The following MYT1L variants were observed in gnomAD, a reference collection of about 807,000 sequenced individuals.
MYT1L encodes myelin transcription factor 1 like.
MYT1L carries 12 observed loss-of-function variants against 126.7 expected under a neutral mutation model. The ratio of observed to expected loss-of-function variants is 0.09; its 90% CI spans 0.06 to 0.15. The LOEUF (loss-of-function observed/expected upper bound fraction) is 0.15. MYT1L is among the 10% of genes least tolerant of loss of function. The pLI is 1.00. For missense variants in MYT1L, 979 were observed against 1,585.2 expected (o/e 0.62, Z 6.49); for synonymous variants, 541 against 604.2 (o/e 0.90, Z 1.53).
chr2:2,042,142 G>A (rs1017279275), intron 4 of MYT1L, among the ~76,000 whole-genome samples: 2 of 152,190 alleles, frequency 1.3e-5, no homozygotes, highest in African/African-American at 2.4e-5. Context: ...GCAATCCTGA[G>A]GATGAACCCC....
At chr2:2,248,858 A>G (rs1230000072) in intron 2 of MYT1L, among the ~76,000 whole-genome samples, 1 of 152,158 alleles carries the variant, frequency 6.6e-6, no homozygotes, top group Non-Finnish European at 1.5e-5. Context: ...AACTGGGTAT[A>G]GAAATAACAT....
intron 2 of MYT1L, among the ~76,000 whole-genome samples, chr2:2,232,450 G>A (rs541436088): frequency 6.6e-6 from 1 of 152,308 alleles, no homozygotes; most frequent in Non-Finnish European, 1.5e-5. Context: ...TGGACTTGAA[G>A]TCTGCTCTTC....
intron 1 of MYT1L, chr2:2,306,019 A>C (rs1431168364): frequency 6.6e-6 from 1 of 152,182 alleles, no homozygotes; most frequent in Non-Finnish European, 1.5e-5. Context: ...TGACCCCTTC[A>C]TTTTAAAATC....
intron 2 of MYT1L, among the ~76,000 whole-genome samples, chr2:2,185,383 A>G (rs1211619328): frequency 6.6e-6 from 1 of 152,246 alleles, no homozygotes; most frequent in East Asian, 1.9e-4. Context: ...CTCACCACAA[A>G]TTGTGTGGCG....
intron 21 of MYT1L, among the ~76,000 whole-genome samples, chr2:1,820,347 G>C (rs548057700): frequency 6.6e-6 from 1 of 152,042 alleles, no homozygotes; most frequent in South Asian, 2.1e-4. Context: ...GTCTCTGTTT[G>C]TCCCTCTCTT....
At chr2:2,220,507 TG>T (rs1179609449) in intron 2 of MYT1L, among the ~76,000 whole-genome samples, 2 of 152,140 alleles carry the variant, frequency 1.3e-5, no homozygotes, top group African/African-American at 2.4e-5. Flanking sequence ...GATGACAAAT[TG>T]TTTCCTATTC....
intron 3 of MYT1L, among the ~76,000 whole-genome samples, chr2:2,137,260 C>A (rs897638315): frequency 6.6e-6 from 1 of 152,168 alleles, no homozygotes; most frequent in South Asian, 2.1e-4. Context: ...AATGGCCATA[C>A]TGCCCAAGGT....
intron 2 of MYT1L, among the ~76,000 whole-genome samples, chr2:2,208,489 T>C (rs1002707392): frequency 5.9e-5 from 9 of 152,130 alleles, no homozygotes; most frequent in African/African-American, 2.2e-4. Flanking sequence ...AGTTTGGGCA[T>C]TCCTTCAGTA....
intron 9 of MYT1L, among the ~76,000 whole-genome samples, chr2:1,934,687 CTT>C (rs1194373872): frequency 6.6e-6 from 1 of 151,094 alleles, no homozygotes; most frequent in African/African-American, 2.5e-5. Context: ...CTCATTCTCT[CTT>C]TCTCTCTCTC....
At position 2,195,900 on chromosome 2, in the gene MYT1L, T is replaced by C. The variant is rs185385710; in HGVS notation, c.-420-22912A>G. The stretch of plus-strand genomic sequence containing the variant: ...AAAATACATAAAAGAATATAAGATA[T>C]ATATAAGACACAGTATAAAACCCTA... On this transcript the variant is annotated intron_variant, in intron 2 of 24. Transcript: ENST00000647738. Among the ~76,000 whole-genome samples, 79 of 152,078 alleles carry C rather than the reference T, an allele frequency of 5.2e-4. No individual in the cohort carries two copies. In the Middle Eastern group the frequency reaches 0.01, roughly 20 times the overall value.
At chr2:2,242,172 G>T (rs1480565928) in intron 2 of MYT1L, among the ~76,000 whole-genome samples, 1 of 152,154 alleles carries the variant, frequency 6.6e-6, no homozygotes, top group African/African-American at 2.4e-5. Context: ...TTCATTATTA[G>T]GAAGCTTAAA....
intron 9 of MYT1L, among the ~76,000 whole-genome samples, chr2:1,936,916 T>C (rs2055969357): frequency 6.6e-6 from 1 of 152,146 alleles, no homozygotes; most frequent in Non-Finnish European, 1.5e-5. Context: ...CTCATCCTGT[T>C]TGAAAGAAAA....
chr2:2,324,994 T>G (rs2096226991), intron 1 of MYT1L: 1 of 152,366 alleles, frequency 6.6e-6, no homozygotes, highest in South Asian at 2.1e-4. Context: ...CCTAAATCTC[T>G]AGAGCAGAAT....
chr2:2,212,511 A>G (rs1399262476), intron 2 of MYT1L, among the ~76,000 whole-genome samples: 1 of 152,258 alleles, frequency 6.6e-6, no homozygotes, highest in Non-Finnish European at 1.5e-5. Context: ...TTAATTTAGT[A>G]CACATACAAA....
intron 3 of MYT1L, among the ~76,000 whole-genome samples, chr2:2,083,320 A>G (rs1394777456): frequency 6.6e-6 from 1 of 152,216 alleles, no homozygotes; most frequent in Non-Finnish European, 1.5e-5. Context: ...CCAACCAGTT[A>G]CATTTCCTGA....
chr2:2,204,268 A>G (rs1386402506), intron 2 of MYT1L, among the ~76,000 whole-genome samples: 2 of 152,218 alleles, frequency 1.3e-5, no homozygotes, highest in Admixed American at 1.3e-4. Flanking sequence ...AATGGGATCT[A>G]ATTAAACTAA....
At position 2,208,647 on chromosome 2, in the gene MYT1L, A is replaced by G. The variant is rs796249971; in HGVS notation, c.-420-35659T>C. On this transcript the variant is annotated intron_variant, in intron 2 of 24. Transcript: ENST00000647738. ...TATAAATAACCTTTTTTCTTCTGAA[A>G]GGTATGAAGAATGTTTTAAAAGTGA... Among the ~76,000 whole-genome samples, 11 of 152,240 alleles carry G rather than the reference A, an allele frequency of 7.2e-5. No individual in the cohort carries two copies. In the South Asian group the frequency reaches 1.2e-3, roughly 17 times the overall value.
At chr2:2,114,820 T>G (rs2079983072) in intron 3 of MYT1L, among the ~76,000 whole-genome samples, 1 of 152,188 alleles carries the variant, frequency 6.6e-6, no homozygotes, top group South Asian at 2.1e-4. Context: ...AACTGCTGCT[T>G]CAGTCTGGGC....
At chr2:2,226,421 A>C (rs143405404) in intron 2 of MYT1L, among the ~76,000 whole-genome samples, 182 of 152,288 alleles carry the variant, frequency 1.2e-3, no homozygotes, top group African/African-American at 4.1e-3. Flanking sequence ...TGTTTGTCTT[A>C]TGAGTTTCAG....
Sources: gnomAD v4.1 joint callset for allele counts (sites outside exome capture counted in the v4.1 genomes callset) on GRCh38, gnomAD v4.1.1 for gene constraint, MANE v1.5 for transcripts, NCBI Gene and HGNC (gene_info 2026-07-23, HGNC 2026-07-21) for gene names.